The following ECPAS variants were observed in gnomAD, a reference collection of about 807,000 sequenced individuals.
ECPAS encodes Ecm29 proteasome adaptor and scaffold.
A neutral mutation model predicts 255.1 loss-of-function variants in ECPAS; 70 were observed. That is an observed-to-expected ratio of 0.27 (90% CI 0.23 to 0.33). ECPAS has a LOEUF of 0.33. Ranked by LOEUF, ECPAS falls within the 10% of genes least tolerant of loss-of-function variation. The pLI, the probability that ECPAS is intolerant of heterozygous loss-of-function variation, is 1.00. For synonymous variants in ECPAS, 784 were observed against 775.0 expected, an observed-to-expected ratio of 1.01 and a Z score of -0.19; for missense variants, 1,817 against 2,206.4, an observed-to-expected ratio of 0.82 and a Z score of 3.54.
At position 111,373,207 on chromosome 9, in the gene ECPAS, G is replaced by C. The variant is rs1362202621; in HGVS notation, c.4299C>G (p.Leu1433=). 1 of 1,613,668 alleles carries C rather than the reference G, an allele frequency of 6.2e-7. No homozygotes were observed. Among genetic ancestry groups the C allele is most frequent in the South Asian group, 1.1e-5 (1 of 91,088 alleles). The change falls in exon 41 of 50, where the codon CTC becomes CTG. Residue 1433 remains leucine (L), a synonymous_variant. Transcript: ENST00000684092. ...TATACCACCCATTGAGCTTCTGCAG[G>C]AGTTTTTCAGTGCTGCTATCCCGTG... ...RTSRDSSTEK[L]LQKLNGWYME... is the part of the protein sequence containing the mutation.
chr9:111,431,353 T>G (rs984295801), intron 8 of ECPAS, among the ~76,000 whole-genome samples: 3 of 151,396 alleles, frequency 2.0e-5, no homozygotes, highest in Non-Finnish European at 4.4e-5. Flanking sequence ...AGGATAGGAG[T>G]TCAAGGCCAG....
intron 5 of ECPAS, 60 bp downstream of exon 5, chr9:111,442,246 A>G: frequency 9.2e-7 from 1 of 1,082,560 alleles, no homozygotes; most frequent in South Asian, 1.4e-5. Context: ...GTGAATTAAT[A>G]TTTGAAAGGC....
At chr9:111,365,352 G>A (rs1213472445) in intron 48 of ECPAS, among the ~76,000 whole-genome samples, 3 of 151,546 alleles carry the variant, frequency 2.0e-5, no homozygotes, top group Non-Finnish European at 4.4e-5. Flanking sequence ...TAATGGAGGG[G>A]AGGGGGAAAA....
At chr9:111,473,875 G>A (rs532201203) in intron 1 of ECPAS, among the ~76,000 whole-genome samples, 4 of 152,300 alleles carry the variant, frequency 2.6e-5, no homozygotes, top group Non-Finnish European at 4.4e-5. Context: ...GCTGAGGTCA[G>A]AAGATGGATT....
chr9:111,484,206 C>A lies in ECPAS; in HGVS notation c.-173G>T. ...GCGAGGCGTTCGGCGGGCCGGGCCCCGGGGAGCCGCGCGCCGCAGTCCGTG... is the reference window on the plus strand; with the variant it reads ...GCGAGGCGTTCGGCGGGCCGGGCCCAGGGGAGCCGCGCGCCGCAGTCCGTG... On this transcript the variant is annotated 5_prime_UTR_variant, in exon 1 of 50. Transcript: ENST00000684092. The A allele has an allele frequency of 6.8e-7, 1 of 1,472,478 alleles. No homozygotes were observed. Among genetic ancestry groups the A allele is most frequent in the Non-Finnish European group, 9.0e-7 (1 of 1,115,522 alleles). 91.2% of individuals were successfully genotyped at this position (1,472,478 alleles called of 1,614,324 possible).
At chr9:111,439,842 CAA>C (rs1390900243) in intron 6 of ECPAS, among the ~76,000 whole-genome samples, 1 of 151,608 alleles carries the variant, frequency 6.6e-6, no homozygotes, top group African/African-American at 2.4e-5. Flanking sequence ...GAAATTATGA[CAA>C]GAGTTGAAAA....
chr9:111,376,611 A>C lies in ECPAS; in HGVS notation c.3955-70T>G. On this transcript the variant is annotated intron_variant, in intron 36 of 49. Transcript: ENST00000684092. ...GGAATAATCCGCACAAACACCCATA[A>C]AAGACTTTCACTTCCAAGCTAAAGA... The C allele has an allele frequency of 2.6e-6, 3 of 1,140,814 alleles. No individual in the cohort carries two copies. In the South Asian group the frequency reaches 4.0e-5, roughly 15 times the overall value. The allele number at this position is 1,140,814 out of a possible 1,614,324, so 70.7% of individuals were successfully genotyped here.
At chr9:111,365,018 A>G (rs1338120669) in intron 48 of ECPAS, among the ~76,000 whole-genome samples, 2 of 152,290 alleles carry the variant, frequency 1.3e-5, no homozygotes, top group African/African-American at 4.8e-5. Context: ...ATAAAATTCA[A>G]TAAATAATCC....
intron 15 of ECPAS, among the ~76,000 whole-genome samples, chr9:111,421,554 T>G: frequency 6.6e-6 from 1 of 152,224 alleles, no homozygotes; most frequent in Middle Eastern, 3.4e-3. Flanking sequence ...AGACTCACTT[T>G]GACATATGGA....
chr9:111,425,618 C>A, intron 11 of ECPAS, 122 bp from the exon 12 acceptor site: 3 of 1,002,664 alleles, frequency 3.0e-6, no homozygotes, highest in South Asian at 1.9e-5. Flanking sequence ...TATTAAAATA[C>A]AAAAATTTTT....
intron 35 of ECPAS, among the ~76,000 whole-genome samples, chr9:111,381,036 A>G (rs2098139939): frequency 6.6e-6 from 1 of 152,248 alleles, no homozygotes; most frequent in African/African-American, 2.4e-5. Flanking sequence ...GTTGGCTAAC[A>G]TAGCACTTTA....
intron 2 of ECPAS, among the ~76,000 whole-genome samples, chr9:111,458,652 G>A (rs1274228263): frequency 6.6e-6 from 1 of 151,892 alleles, no homozygotes; most frequent in Non-Finnish European, 1.5e-5. Context: ...AGGAGGGTGG[G>A]GGGGGTGTTA....
intron 19 of ECPAS, among the ~76,000 whole-genome samples, 177 bp from the exon 20 acceptor site, chr9:111,414,163 A>G (rs1405841881): frequency 6.6e-6 from 1 of 152,072 alleles, no homozygotes; most frequent in Non-Finnish European, 1.5e-5. Context: ...ACTACAGCAA[A>G]TTTACAGATG....
At chr9:111,392,949 A>G in intron 27 of ECPAS, 67 bp from the exon 28 acceptor site, 2 of 1,066,610 alleles carry the variant, frequency 1.9e-6, no homozygotes, top group Middle Eastern at 2.1e-4. Flanking sequence ...ATGAAATCAA[A>G]ATTTTTAAAG....
In ECPAS at chr9:111,361,956, C is replaced by T. The variant is rs2098113758; in HGVS notation, c.*74G>A. On this transcript the variant is annotated 3_prime_UTR_variant, in exon 50 of 50. Transcript: ENST00000684092. ...ACAGATTAATCTTTACTTTTTCCCA[C>T]TTGGTTTTTCAAAGAACACCACCAC... The T allele has an allele frequency of 6.5e-7, 1 of 1,530,994 alleles. No individual in the cohort carries two copies. The highest frequency in any genetic ancestry group is 1.3e-5 in the South Asian group (1 of 79,038). The allele number at this position is 1,530,994 out of a possible 1,614,324, so 94.8% of individuals were successfully genotyped here.
intron 41 of ECPAS, among the ~76,000 whole-genome samples, chr9:111,372,887 C>A (rs1589114835): frequency 6.6e-6 from 1 of 152,030 alleles, no homozygotes; most frequent in Non-Finnish European, 1.5e-5. Flanking sequence ...CAAAAATTAA[C>A]CAGGCGTGGT....
At chr9:111,429,072 G>A (rs898412907) in intron 9 of ECPAS, among the ~76,000 whole-genome samples, 1 of 152,112 alleles carries the variant, frequency 6.6e-6, no homozygotes, top group Non-Finnish European at 1.5e-5. Context: ...TTGCTTGAAA[G>A]CTAACTTTTA....
chr9:111,478,347 T>G (rs553777365), intron 1 of ECPAS, among the ~76,000 whole-genome samples: 492 of 150,778 alleles, frequency 3.3e-3, no homozygotes, highest in Middle Eastern at 0.014. Context: ...GCCAACATGG[T>G]GAAACCCCGT....
intron 4 of ECPAS, among the ~76,000 whole-genome samples, chr9:111,442,760 A>G (rs984403858): frequency 5.3e-5 from 8 of 152,190 alleles, no homozygotes; most frequent in Non-Finnish European, 7.3e-5. Context: ...CAGATCTCCC[A>G]GTCTGTTGCA....
Sources: allele counts gnomAD v4.1 joint callset (sites outside exome capture counted in the v4.1 genomes callset), GRCh38; gene constraint gnomAD v4.1.1; transcripts MANE v1.5; gene names NCBI Gene and HGNC (gene_info 2026-07-23, HGNC 2026-07-21).